Variants in GATAD2A observed in about 807,000 individuals in gnomAD.
GATAD2A encodes the protein transcriptional repressor p66-alpha.
Under a neutral mutation model 68.5 loss-of-function variants are expected in GATAD2A, and 12 were observed. That is an observed-to-expected ratio of 0.18 (90% CI 0.11 to 0.28). GATAD2A has a LOEUF of 0.28. Among genes scored for constraint, GATAD2A ranks in the 10% least tolerant of loss-of-function variants. GATAD2A has a pLI of 1.00. For synonymous variants in GATAD2A, 410 were observed against 375.3 expected (o/e 1.09, Z -1.07); for missense variants, 755 against 868.5 (o/e 0.87, Z 1.64).
intron 2 of GATAD2A, 25 bp downstream of exon 2, chr19:19,465,639 G>A: frequency 1.9e-6 from 3 of 1,576,738 alleles, no homozygotes; most frequent in Non-Finnish European, 2.6e-6. Context: ...CCAGCGGGAG[G>A]GGCTGGAACC....
rs367981840 is a variant in GATAD2A at position 19,496,209 on chromosome 19, A to G, written c.914A>G (p.Asn305Ser). The stretch of plus-strand genomic sequence containing the variant: ...GTTCCCAACACCAGCCTGCTCGTCA[A>G]CATCCCACAGGTGAGGGCTGCGCCA... ...ANVPNTSLLV[N>S]IPQPTPASLK... The change falls in exon 7 of 12, where the codon AAC (asparagine) becomes AGC (serine). Residue 305 changes from asparagine (N) to serine (S), a missense_variant. By Grantham distance (46) the Asn-to-Ser change is conservative. Transcript: ENST00000683918. 237 of 1,613,536 alleles carry G rather than the reference A, an allele frequency of 1.5e-4. No individual in the cohort carries two copies. The highest frequency in any genetic ancestry group is 1.9e-4 in the Non-Finnish European group (223 of 1,179,944).
chr19:19,487,741 C>T (rs1442318582), intron 2 of GATAD2A, among the ~76,000 whole-genome samples: 2 of 152,142 alleles, frequency 1.3e-5, no homozygotes, highest in Admixed American at 6.5e-5. Flanking sequence ...GGGCCAGGCC[C>T]CAGGAGGGCG....
At chr19:19,442,839 C>T (rs1013857616) in intron 1 of GATAD2A, among the ~76,000 whole-genome samples, 1 of 151,728 alleles carries the variant, frequency 6.6e-6, no homozygotes, top group African/African-American at 2.4e-5. Flanking sequence ...CTCACTGGTC[C>T]CCTTTGGTAG....
chr19:19,481,284 A>G (rs1440957631), intron 2 of GATAD2A, among the ~76,000 whole-genome samples: 3 of 152,164 alleles, frequency 2.0e-5, no homozygotes, highest in Non-Finnish European at 2.9e-5. Context: ...CCCTTCCAGC[A>G]GGCTTTGGCC....
chr19:19,441,199 T>C lies in GATAD2A; in HGVS notation c.-6-24141T>C, dbSNP rs189675746. On this transcript the variant is annotated intron_variant, in intron 1 of 11. Coordinates refer to ENST00000683918, the MANE Select transcript of GATAD2A (RefSeq NM_001384528.1). ...TTGGGATTACAGGCGCCCGCCACCA[T>C]GCCCGGCTAAAAACAACTTTCTTAA... Among the ~76,000 whole-genome samples the C allele has an allele frequency of 9.0e-4, 136 of 151,792 alleles. 1 individual carries two copies. The highest frequency in any genetic ancestry group is 1.7e-3 in the Non-Finnish European group (117 of 67,948).
chr19:19,411,657 T>C (rs746491003), intron 1 of GATAD2A, among the ~76,000 whole-genome samples: 1 of 150,168 alleles, frequency 6.7e-6, no homozygotes, highest in Non-Finnish European at 1.5e-5. Flanking sequence ...GTGGGTCACC[T>C]GATCACCTGG....
At position 19,475,809 on chromosome 19, in the gene GATAD2A, C is replaced by T. The variant is rs533344556; in HGVS notation, c.269+10195C>T. On this transcript the variant is annotated intron_variant, in intron 2 of 11. Coordinates refer to ENST00000683918, the MANE Select transcript of GATAD2A (RefSeq NM_001384528.1). Reference sequence around the variant, plus strand: ...TTCCTGCAGGCTCCTCATCCAATTTCCCTTTATCTGGGACTCTAATCCCAG... The same window carrying T: ...TTCCTGCAGGCTCCTCATCCAATTTTCCTTTATCTGGGACTCTAATCCCAG... 1.9e-4 allele frequency among the ~76,000 whole-genome samples: 29 copies of T among 152,266 alleles called. No individual in the cohort carries two copies. In the East Asian group the frequency reaches 5.6e-3, roughly 29 times the overall value.
chr19:19,467,656 C>A (rs1271131722), intron 2 of GATAD2A, among the ~76,000 whole-genome samples: 1 of 152,088 alleles, frequency 6.6e-6, no homozygotes, highest in Non-Finnish European at 1.5e-5. Context: ...TCAAAACTAC[C>A]TTTTTTTCTT....
chr19:19,480,412 C>G (rs2058974665), intron 2 of GATAD2A, among the ~76,000 whole-genome samples: 1 of 152,204 alleles, frequency 6.6e-6, no homozygotes. Flanking sequence ...TTCCAAAATT[C>G]TGATTTTTGA....
intron 7 of GATAD2A, among the ~76,000 whole-genome samples, chr19:19,498,112 A>G (rs1344601551): frequency 1.3e-5 from 2 of 152,252 alleles, no homozygotes; most frequent in African/African-American, 4.8e-5. Flanking sequence ...GGTGACCACC[A>G]GAACCTGGTG....
chr19:19,506,762 T>G lies in GATAD2A; in HGVS notation c.*1288T>G, dbSNP rs1395250574. The G allele has an allele frequency of 6.6e-6, 1 of 152,136 alleles. No individual in the cohort carries two copies. The highest frequency in any genetic ancestry group is 1.9e-4 in the East Asian group (1 of 5,204). The allele number at this position is 152,136 out of a possible 1,614,324, so 9.4% of individuals were successfully genotyped here. A position where few individuals can be genotyped will look rare whatever the true frequency, so the allele number is the denominator to read the frequency against. On this transcript the variant is annotated 3_prime_UTR_variant, in exon 12 of 12. Coordinates refer to ENST00000683918, the MANE Select transcript of GATAD2A (RefSeq NM_001384528.1). ...AAGGCAGAAGCCGTTCCGTGTCTCT[T>G]GCAGGCTGGGCCGGCTTCATGCCAG...
At chr19:19,428,854 A>G (rs1860310156) in intron 1 of GATAD2A, among the ~76,000 whole-genome samples, 1 of 152,104 alleles carries the variant, frequency 6.6e-6, no homozygotes, top group Non-Finnish European at 1.5e-5. Context: ...CAGCTCCCCA[A>G]ATAGCATGCC....
At chr19:19,388,349 G>A (rs931454715) in intron 1 of GATAD2A, among the ~76,000 whole-genome samples, 1 of 151,986 alleles carries the variant, frequency 6.6e-6, no homozygotes, top group Admixed American at 6.6e-5. Flanking sequence ...GAACCACCGC[G>A]CCCGGCCAAG....
At chr19:19,407,342 C>T (rs556069793) in intron 1 of GATAD2A, among the ~76,000 whole-genome samples, 1 of 152,382 alleles carries the variant, frequency 6.6e-6, no homozygotes, top group South Asian at 2.1e-4. Flanking sequence ...ATAGCTCATA[C>T]TAGCCCTCGG....
rs1257394251 is a variant in GATAD2A, at chr19:19,506,705, G to A, written c.*1231G>A. The A allele has an allele frequency of 1.3e-5, 2 of 150,764 alleles. No homozygotes were observed. Among genetic ancestry groups the A allele is most frequent in the East Asian group, 1.9e-4 (1 of 5,154 alleles). 9.3% of individuals were successfully genotyped at this position (150,764 alleles called of 1,614,324 possible). A position where few individuals can be genotyped will look rare whatever the true frequency, so the allele number is the denominator to read the frequency against. On this transcript the variant is annotated 3_prime_UTR_variant, in exon 12 of 12. Transcript: ENST00000683918. Reference sequence around the variant, plus strand: ...TTAGTTTCATTTTTGTTTCTTTCCCGTCCCACTCTTTAAAAACTGGTTCCG... The same window carrying A: ...TTAGTTTCATTTTTGTTTCTTTCCCATCCCACTCTTTAAAAACTGGTTCCG...
At chr19:19,440,066 A>G (rs921930299) in intron 1 of GATAD2A, 1 of 344,230 alleles carries the variant, frequency 2.9e-6, no homozygotes, top group Non-Finnish European at 5.7e-6. Flanking sequence ...GGCTCTGCCT[A>G]CAGGGTGGTG....
chr19:19,415,688 G>A (rs1245243653), intron 1 of GATAD2A, among the ~76,000 whole-genome samples: 1 of 147,568 alleles, frequency 6.8e-6, no homozygotes, highest in African/African-American at 2.6e-5. Flanking sequence ...CATGTTCTTG[G>A]CTCACTGCAA....
At chr19:19,491,510 G>T (rs2059788473) in intron 2 of GATAD2A, among the ~76,000 whole-genome samples, 1 of 152,174 alleles carries the variant, frequency 6.6e-6, no homozygotes, top group South Asian at 2.1e-4. Context: ...TGGGCAGCAG[G>T]GTAACAGGCA....
chr19:19,503,368 C>A (rs932765928), intron 11 of GATAD2A, among the ~76,000 whole-genome samples: 1 of 151,988 alleles, frequency 6.6e-6, no homozygotes, highest in Non-Finnish European at 1.5e-5. Flanking sequence ...GAGCCTGCCG[C>A]TGTCCTAAGT....
Sources: allele counts gnomAD v4.1 joint callset (sites outside exome capture counted in the v4.1 genomes callset), GRCh38; gene constraint gnomAD v4.1.1; transcripts MANE v1.5; gene names NCBI Gene and HGNC (gene_info 2026-07-23, HGNC 2026-07-21).